Variants in ARHGAP24 observed in about 807,000 individuals in gnomAD.
The protein encoded by ARHGAP24 is Rho GTPase activating protein 24.
A neutral mutation model predicts 76.4 loss-of-function variants in ARHGAP24; 50 were observed. The observed-to-expected ratio is 0.65, with a 90% CI of 0.52 to 0.83. ARHGAP24 has a LOEUF of 0.83. Among genes scored for constraint, ARHGAP24 ranks in the 40% least tolerant of loss-of-function variants. The pLI is 0.00. For missense variants in ARHGAP24, 930 were observed against 914.2 expected (o/e 1.02, Z -0.22); for synonymous variants, 345 against 323.3 (o/e 1.07, Z -0.72).
chr4:85,743,188 G>C (rs1179386662), intron 3 of ARHGAP24, among the ~76,000 whole-genome samples: 1 of 151,818 alleles, frequency 6.6e-6, no homozygotes, highest in East Asian at 1.9e-4. Flanking sequence ...AAAAAATCAT[G>C]GTACTTAAGT....
intron 9 of ARHGAP24, among the ~76,000 whole-genome samples, chr4:85,998,312 T>C (rs887076328): frequency 8.5e-5 from 13 of 152,214 alleles, no homozygotes; most frequent in Non-Finnish European, 1.8e-4. Flanking sequence ...TTGATCCTTT[T>C]ATCATTAATT....
intron 3 of ARHGAP24, among the ~76,000 whole-genome samples, chr4:85,921,546 T>TA (rs57403057): frequency 0.13 from 19,432 of 151,376 alleles, 1,354 homozygotes; most frequent in African/African-American, 0.17. Flanking sequence ...AAAGTTTTTT[T>TA]AAAAAAAAAG....
At chr4:85,867,563 A>G (rs1337624558) in intron 3 of ARHGAP24, among the ~76,000 whole-genome samples, 1 of 151,986 alleles carries the variant, frequency 6.6e-6, no homozygotes, top group Non-Finnish European at 1.5e-5. Flanking sequence ...TTTTCTCAAA[A>G]TAGCACAAAT....
intron 2 of ARHGAP24, among the ~76,000 whole-genome samples, chr4:85,616,781 C>G (rs1184233616): frequency 6.6e-6 from 1 of 152,090 alleles, no homozygotes; most frequent in African/African-American, 2.4e-5. Flanking sequence ...GGGTGCGCCA[C>G]CATGCCTGGC....
At chr4:85,887,169 C>G (rs758081022) in intron 3 of ARHGAP24, among the ~76,000 whole-genome samples, 1 of 152,086 alleles carries the variant, frequency 6.6e-6, no homozygotes, top group Non-Finnish European at 1.5e-5. Flanking sequence ...GGTGTATTTA[C>G]TGTCATGATG....
intron 2 of ARHGAP24, among the ~76,000 whole-genome samples, chr4:85,705,954 G>T (rs1389239006): frequency 6.6e-6 from 1 of 152,084 alleles, no homozygotes; most frequent in African/African-American, 2.4e-5. Flanking sequence ...GAAGACAATG[G>T]GGGCATGGTA....
At chr4:85,582,032 T>G (rs958872852) in intron 2 of ARHGAP24, among the ~76,000 whole-genome samples, 7 of 152,166 alleles carry the variant, frequency 4.6e-5, no homozygotes, top group African/African-American at 1.7e-4. Flanking sequence ...AAGTTCCTGC[T>G]TTTTAAAAAT....
At chr4:85,932,253 A>C (rs1261846261) in intron 4 of ARHGAP24, among the ~76,000 whole-genome samples, 2 of 146,050 alleles carry the variant, frequency 1.4e-5, no homozygotes, top group Non-Finnish European at 3.0e-5. Flanking sequence ...TTGGTAGAGA[A>C]ATTAACAATG....
At chr4:85,980,459 C>T (rs560541162) in intron 8 of ARHGAP24, among the ~76,000 whole-genome samples, 3 of 152,288 alleles carry the variant, frequency 2.0e-5, no homozygotes, top group Non-Finnish European at 4.4e-5. Context: ...ATCATTTGCT[C>T]TATAACTCGT....
chr4:85,615,347 C>T (rs2109999181), intron 2 of ARHGAP24, among the ~76,000 whole-genome samples: 1 of 151,718 alleles, frequency 6.6e-6, no homozygotes, highest in Non-Finnish European at 1.5e-5. Flanking sequence ...TAGTTTAAAC[C>T]CCTCCTAAAA....
chr4:85,888,341 A>C (rs1449199250), intron 3 of ARHGAP24, among the ~76,000 whole-genome samples: 2 of 149,824 alleles, frequency 1.3e-5, no homozygotes, highest in Admixed American at 1.3e-4. Context: ...CAGAGGTTGC[A>C]GTGAGCCAAG....
intron 3 of ARHGAP24, among the ~76,000 whole-genome samples, chr4:85,849,675 T>G (rs147079591): frequency 6.6e-6 from 1 of 152,144 alleles, no homozygotes; most frequent in Non-Finnish European, 1.5e-5. Context: ...TGCATTTTAT[T>G]GAAGGCCTTT....
rs1426544659 is a variant in ARHGAP24, at chr4:85,705,177, T to A, written c.181-16708T>A. On this transcript the variant is annotated intron_variant, in intron 2 of 9. Transcript: ENST00000395184. ...ATAAGATGTATCCCAAATTAAAAAATATAAAATGAGAAAATGCAAATTATA... is the reference window on the plus strand; with the variant it reads ...ATAAGATGTATCCCAAATTAAAAAAAATAAAATGAGAAAATGCAAATTATA... 2.0e-5 allele frequency among the ~76,000 whole-genome samples: 3 copies of A among 152,016 alleles called. No homozygotes were observed. In the East Asian group the frequency reaches 5.8e-4, roughly 29 times the overall value.
intron 8 of ARHGAP24, among the ~76,000 whole-genome samples, chr4:85,988,496 C>T (rs953610372): frequency 2.0e-5 from 3 of 150,958 alleles, no homozygotes; most frequent in African/African-American, 7.3e-5. Context: ...TAAAAGTAGA[C>T]CGTAATAAAT....
chr4:85,516,802 A>G (rs1017977372), intron 1 of ARHGAP24, among the ~76,000 whole-genome samples: 14 of 152,006 alleles, frequency 9.2e-5, no homozygotes, highest in African/African-American at 3.4e-4. Context: ...TTTTAATTTT[A>G]TGGTATGTAA....
At chr4:85,594,652 C>T (rs1307479118) in intron 2 of ARHGAP24, among the ~76,000 whole-genome samples, 2 of 151,966 alleles carry the variant, frequency 1.3e-5, no homozygotes, top group Admixed American at 6.6e-5. Flanking sequence ...TCTTTTGAAT[C>T]AAGGAATAAA....
intron 3 of ARHGAP24, among the ~76,000 whole-genome samples, chr4:85,745,909 T>C (rs887986150): frequency 6.6e-6 from 1 of 152,196 alleles, no homozygotes; most frequent in Non-Finnish European, 1.5e-5. Flanking sequence ...CTAGGTACTA[T>C]GATTCCAAAA....
At chr4:85,783,591 A>G (rs1325363294) in intron 3 of ARHGAP24, among the ~76,000 whole-genome samples, 1 of 152,116 alleles carries the variant, frequency 6.6e-6, no homozygotes, top group Non-Finnish European at 1.5e-5. Flanking sequence ...TGACAAATAC[A>G]TAAGGGGGCA....
chr4:85,973,159 G>A (rs1018084823), intron 6 of ARHGAP24, among the ~76,000 whole-genome samples: 6 of 152,064 alleles, frequency 3.9e-5, no homozygotes, highest in Non-Finnish European at 7.4e-5. Context: ...AGCAATGAGC[G>A]CAGATTCTGA....
Sources: gnomAD v4.1 joint callset for allele counts (sites outside exome capture counted in the v4.1 genomes callset) on GRCh38, gnomAD v4.1.1 for gene constraint, MANE v1.5 for transcripts, NCBI Gene and HGNC (gene_info 2026-07-23, HGNC 2026-07-21) for gene names.